The following RARB variants were observed in gnomAD, a reference collection of about 807,000 sequenced individuals.
The protein encoded by RARB is HBV-activated protein.
In RARB, 17 loss-of-function variants were observed where a neutral mutation model predicts 51.9. That is an observed-to-expected ratio of 0.33 (90% confidence interval 0.22 to 0.49). The LOEUF (loss-of-function observed/expected upper bound fraction) is 0.49, where lower values mean the gene tolerates loss of function less well. Ranked by LOEUF, RARB falls within the 20% of genes least tolerant of loss-of-function variation. RARB has a pLI of 0.99. For synonymous variants in RARB, 215 were observed against 195.4 expected, an observed-to-expected ratio of 1.10 and a Z score of -0.84; for missense variants, 369 against 550.8, an observed-to-expected ratio of 0.67 and a Z score of 3.30.
intron 2 of RARB, among the ~76,000 whole-genome samples, chr3:24,978,657 T>C (rs1407748273): frequency 6.6e-6 from 1 of 152,096 alleles, no homozygotes; most frequent in Non-Finnish European, 1.5e-5. Context: ...TTCTTCTTTA[T>C]TAATCTTGCT....
chr3:25,119,661 A>AAC lies in RARB; in HGVS notation c.-327-12499_-327-12498insCA, dbSNP rs1449382652. Reference sequence around the variant, plus strand: ...GAAAAAGTGATAAAACAAACAAACAAAAAAAAAACAACAACAAAAAAAACA... The same window carrying AAC: ...GAAAAAGTGATAAAACAAACAAACAAACAAAAAAAACAACAACAAAAAAAACA... On this transcript the variant is annotated intron_variant, in intron 3 of 11. Coordinates refer to the RARB transcript ENST00000383772. 2.9e-3 allele frequency among the ~76,000 whole-genome samples: 441 copies of AAC among 150,990 alleles called. 5 individuals carry two copies. Among genetic ancestry groups the AAC allele is most frequent in the African/African-American group, 0.01 (418 of 40,998 alleles).
chr3:25,343,131 A>G (rs564867698), intron 5 of RARB, among the ~76,000 whole-genome samples: 80 of 150,846 alleles, frequency 5.3e-4, no homozygotes, highest in Middle Eastern at 6.9e-3. Context: ...AAGGTTCTGC[A>G]TGGAGGGAAA....
intron 5 of RARB, among the ~76,000 whole-genome samples, chr3:25,361,506 C>T (rs1705932678): frequency 6.6e-6 from 1 of 152,212 alleles, no homozygotes. Flanking sequence ...CATTCTCCAT[C>T]CAGTTTTTTT....
chr3:24,912,222 T>G (rs763952450), intron 2 of RARB, among the ~76,000 whole-genome samples: 4 of 152,192 alleles, frequency 2.6e-5, no homozygotes, highest in Non-Finnish European at 5.9e-5. Context: ...CACGAGCTTT[T>G]GTTGGCATCA....
chr3:25,433,104 TCAGAAAAA>T, intron 1 of RARB, among the ~76,000 whole-genome samples: 1 of 152,230 alleles, frequency 6.6e-6, no homozygotes, highest in South Asian at 2.1e-4. Flanking sequence ...TGAAGGTTAA[TCAGAAAAA>T]TCTTGGCTGA....
chr3:25,092,384 A>C (rs1029851996), intron 3 of RARB, among the ~76,000 whole-genome samples: 2 of 152,146 alleles, frequency 1.3e-5, no homozygotes, highest in African/African-American at 4.8e-5. Context: ...AAAACAAAAA[A>C]ACCTCTTTCC....
chr3:25,408,106 G>C (rs1008222906), intron 5 of RARB, among the ~76,000 whole-genome samples: 49 of 152,046 alleles, frequency 3.2e-4, no homozygotes, highest in African/African-American at 1.1e-3. Flanking sequence ...CTGTTTCTGG[G>C]GGACCAAACC....
At chr3:24,886,039 C>T (rs995234463) in intron 2 of RARB, among the ~76,000 whole-genome samples, 2 of 152,120 alleles carry the variant, frequency 1.3e-5, no homozygotes, top group African/African-American at 4.8e-5. Context: ...AGAGCTCAGC[C>T]CATATACTAG....
intron 5 of RARB, among the ~76,000 whole-genome samples, chr3:25,180,788 G>A (rs1277413448): frequency 6.6e-6 from 1 of 152,124 alleles, no homozygotes; most frequent in Non-Finnish European, 1.5e-5. Context: ...AGAAAAAGAG[G>A]GAGAGAGAGA....
At chr3:25,422,816 T>A (rs1029165839) in intron 5 of RARB, among the ~76,000 whole-genome samples, 2 of 152,094 alleles carry the variant, frequency 1.3e-5, no homozygotes, top group African/African-American at 4.8e-5. Flanking sequence ...AAAACCCAAA[T>A]GTATATAGCT....
intron 1 of RARB, among the ~76,000 whole-genome samples, chr3:24,848,072 A>G (rs889928896): frequency 6.6e-6 from 1 of 152,184 alleles, no homozygotes; most frequent in African/African-American, 2.4e-5. Flanking sequence ...AATTTTTAAA[A>G]TTGTTTTGAG....
At chr3:25,501,384 T>C in intron 3 of RARB, 61 bp downstream of exon 3, 1 of 1,582,648 alleles carries the variant, frequency 6.3e-7, no homozygotes, top group Non-Finnish European at 8.6e-7. Flanking sequence ...TTGCTCACCT[T>C]CCACAGTCAT....
intron 2 of RARB, among the ~76,000 whole-genome samples, chr3:24,876,938 T>C (rs372242626): frequency 1.3e-5 from 2 of 152,176 alleles, no homozygotes; most frequent in African/African-American, 4.8e-5. Flanking sequence ...GCAAGAAAAA[T>C]CATTTTATTA....
chr3:25,208,154 A>G (rs1701601480), intron 5 of RARB, among the ~76,000 whole-genome samples: 1 of 152,150 alleles, frequency 6.6e-6, no homozygotes, highest in South Asian at 2.1e-4. Flanking sequence ...CACATGATCC[A>G]ATCACCTTTC....
intron 2 of RARB, among the ~76,000 whole-genome samples, chr3:24,868,030 A>G (rs1702882295): frequency 6.6e-6 from 1 of 152,178 alleles, no homozygotes. Flanking sequence ...GCAATTCCAT[A>G]TCTCTGGACG....
chr3:25,562,024 A>G (rs905934216), intron 3 of RARB, among the ~76,000 whole-genome samples: 12 of 137,240 alleles, frequency 8.7e-5, no homozygotes, highest in African/African-American at 4.0e-4. Context: ...ACCCTGCTCA[A>G]CTTTTTTACC....
chr3:25,185,932 T>C (rs1484837691), intron 5 of RARB, among the ~76,000 whole-genome samples: 2 of 152,120 alleles, frequency 1.3e-5, no homozygotes, highest in Non-Finnish European at 2.9e-5. Context: ...TTAGTACTTG[T>C]CACAGTTTTT....
rs369174934 is a variant in RARB, at chr3:25,016,838, C to A, written c.-379-43287C>A. Among the ~76,000 whole-genome samples the A allele has an allele frequency of 1.4e-4, 21 of 152,216 alleles. No homozygotes were observed. The South Asian group carries it at 1.7e-3, about 12-fold the overall frequency. ...TCTCCACTCTTCTTGATAACACTTA[C>A]AAGAACAAACACCGGTAAAAGCTAG... On this transcript the variant is annotated intron_variant, in intron 2 of 11. Transcript: ENST00000383772.
At chr3:25,200,509 T>A (rs989043836) in intron 5 of RARB, among the ~76,000 whole-genome samples, 1 of 152,140 alleles carries the variant, frequency 6.6e-6, no homozygotes. Context: ...AGACATGAAG[T>A]CCTTGCCCAT....
Sources: allele counts gnomAD v4.1 joint callset (sites outside exome capture counted in the v4.1 genomes callset), GRCh38; gene constraint gnomAD v4.1.1; transcripts MANE v1.5; gene names NCBI Gene and HGNC (gene_info 2026-07-23, HGNC 2026-07-21).